NKAIN3: variants seen among roughly 807,000 people sequenced by gnomAD.
The protein encoded by NKAIN3 is sodium/potassium-transporting ATPase subunit beta-1-interacting protein 3.
In NKAIN3, 25 loss-of-function variants were observed where a neutral mutation model predicts 30.2. The observed-to-expected ratio is 0.83, with a 90% CI of 0.60 to 1.16. The LOEUF is 1.16. Ranked by LOEUF, NKAIN3 falls within the 50% of genes most tolerant of loss-of-function variation. NKAIN3 has a pLI of 0.00. For missense variants in NKAIN3, 225 were observed against 254.1 expected (o/e 0.89, Z 0.78); for synonymous variants, 91 against 89.6 (o/e 1.02, Z -0.09).
chr8:62,613,416 T>C lies in NKAIN3; in HGVS notation c.273+23622T>C, dbSNP rs190824709. 6.8e-4 allele frequency among the ~76,000 whole-genome samples: 104 copies of C among 152,276 alleles called. 1 individual carries two copies. The East Asian group carries it at 0.02, about 29-fold the overall frequency. On this transcript the variant is annotated intron_variant, in intron 3 of 6. Transcript: ENST00000623646. ...CGTATTGGAGCTCCTTTGTATGTTA[T>C]TCTTTTCTTTTCTCTTGCTGCTTTT...
intron 1 of NKAIN3, among the ~76,000 whole-genome samples, chr8:62,329,690 A>C (rs756661683): frequency 5.3e-5 from 8 of 152,078 alleles, no homozygotes; most frequent in African/African-American, 1.2e-4. Context: ...TTATGGCTGC[A>C]TGATATTCCA....
At chr8:62,670,748 A>G (rs949503096) in intron 3 of NKAIN3, among the ~76,000 whole-genome samples, 2 of 152,108 alleles carry the variant, frequency 1.3e-5, no homozygotes, top group Admixed American at 1.3e-4. Context: ...TGAGGCTTCA[A>G]AAATAGGTAA....
intron 4 of NKAIN3, among the ~76,000 whole-genome samples, chr8:62,895,935 A>C (rs1821415362): frequency 6.6e-6 from 1 of 152,050 alleles, no homozygotes; most frequent in Non-Finnish European, 1.5e-5. Flanking sequence ...TCTAATCATT[A>C]AAACCAAAAA....
At chr8:62,726,741 A>G (rs1652628703) in intron 3 of NKAIN3, among the ~76,000 whole-genome samples, 1 of 152,216 alleles carries the variant, frequency 6.6e-6, no homozygotes, top group East Asian at 1.9e-4. Flanking sequence ...CATCAGGCCC[A>G]GATGAGTTCA....
chr8:62,620,137 T>A (rs183329070), intron 3 of NKAIN3, among the ~76,000 whole-genome samples: 143 of 152,222 alleles, frequency 9.4e-4, no homozygotes, highest in African/African-American at 3.4e-3. Flanking sequence ...TAAAAGAATA[T>A]GATAGGACAC....
intron 3 of NKAIN3, among the ~76,000 whole-genome samples, chr8:62,664,433 T>A (rs1813036146): frequency 6.6e-6 from 1 of 152,140 alleles, no homozygotes; most frequent in Non-Finnish European, 1.5e-5. Context: ...ATTGCCCTTG[T>A]CAAGATCTCC....
chr8:62,863,784 G>T lies in NKAIN3; in HGVS notation c.472-54669G>T. 6 of 1,611,250 alleles carry T rather than the reference G, an allele frequency of 3.7e-6. No homozygotes were observed. The South Asian group carries it at 5.5e-5, about 15-fold the overall frequency. On this transcript the variant is annotated intron_variant, in intron 4 of 6. Coordinates refer to ENST00000623646, the MANE Select transcript of NKAIN3 (RefSeq NM_001304533.3). ...CAGCACAGCCAGACAGTAGAGAAGTGCCCCCATCCAAGCTTTCTAATAACA... is the reference window on the plus strand; with the variant it reads ...CAGCACAGCCAGACAGTAGAGAAGTTCCCCCATCCAAGCTTTCTAATAACA...
At chr8:62,605,867 C>A (rs1482886712) in intron 3 of NKAIN3, among the ~76,000 whole-genome samples, 1 of 151,900 alleles carries the variant, frequency 6.6e-6, no homozygotes, top group Non-Finnish European at 1.5e-5. Context: ...AACAAATTTT[C>A]TATTAAATGA....
chr8:62,465,310 C>G (rs1180701194), intron 1 of NKAIN3, among the ~76,000 whole-genome samples: 1 of 152,070 alleles, frequency 6.6e-6, no homozygotes, highest in Admixed American at 6.6e-5. Context: ...CCTGACTATC[C>G]TGGCTACATA....
At position 62,719,753 on chromosome 8, in the gene NKAIN3, C is replaced by CTTT. The variant is rs60637445; in HGVS notation, c.274-27160_274-27158dup. 6.8e-3 allele frequency among the ~76,000 whole-genome samples: 606 copies of CTTT among 89,670 alleles called. 1 individual carries two copies. Among genetic ancestry groups the CTTT allele is most frequent in the African/African-American group, 9.9e-3 (244 of 24,698 alleles). 58.8% of individuals were successfully genotyped at this position (89,670 alleles called of 152,430 possible). On this transcript the variant is annotated intron_variant, in intron 3 of 6. Coordinates refer to ENST00000623646, the MANE Select transcript of NKAIN3 (RefSeq NM_001304533.3). ...TCTGCATACATTTATACATTTCTTT[C>CTTT]TTTTTTTTTTTTTTTTTTTTTGAGA...
intron 1 of NKAIN3, among the ~76,000 whole-genome samples, chr8:62,430,888 C>T (rs2129597453): frequency 6.6e-6 from 1 of 151,882 alleles, no homozygotes; most frequent in Non-Finnish European, 1.5e-5. Flanking sequence ...AATGGAAATT[C>T]ACATAGATGT....
At chr8:62,343,110 A>G (rs1260064794) in intron 1 of NKAIN3, among the ~76,000 whole-genome samples, 1 of 152,066 alleles carries the variant, frequency 6.6e-6, no homozygotes, top group Non-Finnish European at 1.5e-5. Flanking sequence ...AATCCTTCAG[A>G]AATCACTTTG....
chr8:62,400,642 C>T (rs1317790696), intron 1 of NKAIN3, among the ~76,000 whole-genome samples: 1 of 151,822 alleles, frequency 6.6e-6, no homozygotes, highest in Non-Finnish European at 1.5e-5. Flanking sequence ...GTCTTCATCT[C>T]TCCTTCATCT....
intron 3 of NKAIN3, among the ~76,000 whole-genome samples, chr8:62,677,677 G>A (rs931207972): frequency 1.3e-5 from 2 of 152,144 alleles, no homozygotes; most frequent in African/African-American, 4.8e-5. Context: ...TGAGGTAAGC[G>A]GCAGGCTCCA....
intron 4 of NKAIN3, among the ~76,000 whole-genome samples, chr8:62,878,558 A>G (rs1218767868): frequency 6.6e-6 from 1 of 151,974 alleles, no homozygotes; most frequent in Admixed American, 6.6e-5. Context: ...TACATGTGCA[A>G]CGTGCAGGTT....
chr8:62,601,096 C>G (rs944675973), intron 3 of NKAIN3, among the ~76,000 whole-genome samples: 8 of 151,630 alleles, frequency 5.3e-5, no homozygotes, highest in African/African-American at 1.9e-4. Context: ...TGCTTACAAT[C>G]TATCCATTGT....
At chr8:62,866,762 A>G (rs6980782) in intron 4 of NKAIN3, among the ~76,000 whole-genome samples, 43,916 of 151,824 alleles carry the variant, frequency 0.29, 6,639 homozygotes, top group African/African-American at 0.35. Context: ...AAATTAAAGT[A>G]TTGGCCAGGC....
downstream of NKAIN3, among the ~76,000 whole-genome samples, chr8:62,985,702 G>A (rs1405873339): frequency 1.3e-5 from 2 of 151,848 alleles, no homozygotes; most frequent in Non-Finnish European, 2.9e-5. Context: ...AAAACAGTGA[G>A]TGAATTTGTC....
intron 1 of NKAIN3, among the ~76,000 whole-genome samples, chr8:62,445,235 C>T (rs761512726): frequency 1.8e-4 from 27 of 152,104 alleles, no homozygotes; most frequent in Middle Eastern, 3.4e-3. Context: ...TGAGCCACCA[C>T]GCCCAACCTT....
Sources: gnomAD v4.1 joint callset for allele counts (sites outside exome capture counted in the v4.1 genomes callset) on GRCh38, gnomAD v4.1.1 for gene constraint, MANE v1.5 for transcripts, NCBI Gene and HGNC (gene_info 2026-07-23, HGNC 2026-07-21) for gene names.